Variants in RBFOX2 observed in about 807,000 individuals in gnomAD.
RBFOX2 encodes RNA binding protein fox-1 homolog 2.
RBFOX2 carries 10 observed loss-of-function variants against 49.1 expected under a neutral mutation model. The ratio of observed to expected loss-of-function variants is 0.20; its 90% CI spans 0.13 to 0.35. The LOEUF is 0.35. Among genes scored for constraint, RBFOX2 ranks in the 10% least tolerant of loss-of-function variants. RBFOX2 has a pLI of 1.00. For missense variants in RBFOX2, 323 were observed against 486.9 expected, an observed-to-expected ratio of 0.66 and a Z score of 3.17; for synonymous variants, 183 against 187.4, an observed-to-expected ratio of 0.98 and a Z score of 0.19.
chr22:35,979,875 TCTA>T (rs1300137936), intron 1 of RBFOX2, among the ~76,000 whole-genome samples: 2 of 152,202 alleles, frequency 1.3e-5, no homozygotes, highest in African/African-American at 4.8e-5. Context: ...GAGCCTTTAA[TCTA>T]CTACACCATG....
chr22:35,862,183 T>C (rs1373016705), intron 1 of RBFOX2, among the ~76,000 whole-genome samples: 2 of 152,112 alleles, frequency 1.3e-5, no homozygotes, highest in Non-Finnish European at 2.9e-5. Context: ...ACGGAGATGA[T>C]TCATATGTTA....
At position 35,804,474 on chromosome 22, in the gene RBFOX2, C is replaced by G. The variant is rs1432751370; in HGVS notation, c.252+5306G>C. ...TAGAGAAACGGCTCAAAGCCAAAGA[C>G]AAACAGAAAATCTTGAAATCAGCAA... On this transcript the variant is annotated intron_variant, in intron 2 of 11. Transcript: ENST00000405409. Among the ~76,000 whole-genome samples the G allele has an allele frequency of 5.3e-5, 8 of 152,036 alleles. No homozygotes were observed. The East Asian group carries it at 1.5e-3, about 29-fold the overall frequency.
chr22:35,863,752 C>T (rs1342180611), intron 1 of RBFOX2, among the ~76,000 whole-genome samples: 1 of 152,180 alleles, frequency 6.6e-6, no homozygotes, highest in African/African-American at 2.4e-5. Context: ...GTGTAGCCAG[C>T]TGTCGTTTAC....
At chr22:35,916,953 C>G (rs1433637189) in intron 1 of RBFOX2, among the ~76,000 whole-genome samples, 1 of 151,580 alleles carries the variant, frequency 6.6e-6, no homozygotes, top group African/African-American at 2.4e-5. Flanking sequence ...TGATGCATAG[C>G]AAGCATTCAG....
intron 1 of RBFOX2, among the ~76,000 whole-genome samples, chr22:35,868,485 G>C (rs2043951045): frequency 6.6e-6 from 1 of 151,956 alleles, no homozygotes; most frequent in Non-Finnish European, 1.5e-5. Context: ...CGTGGTGGCT[G>C]ACACCTGTAA....
At chr22:35,922,268 G>A (rs747110757) in intron 1 of RBFOX2, among the ~76,000 whole-genome samples, 9 of 152,186 alleles carry the variant, frequency 5.9e-5, no homozygotes, top group Non-Finnish European at 1.3e-4. Flanking sequence ...AATACAATGT[G>A]AAACTCTGTT....
chr22:35,884,997 A>G (rs938198331), intron 1 of RBFOX2, among the ~76,000 whole-genome samples: 1 of 152,156 alleles, frequency 6.6e-6, no homozygotes, highest in Non-Finnish European at 1.5e-5. Flanking sequence ...TGCCTTTAAC[A>G]ATCGAAAATT....
At chr22:36,019,920 A>G (rs1323337644) in intron 1 of RBFOX2, among the ~76,000 whole-genome samples, 4 of 152,212 alleles carry the variant, frequency 2.6e-5, no homozygotes, top group Non-Finnish European at 4.4e-5. Context: ...TAGAACCAAA[A>G]AAGAGCCCAC....
rs776577786 is a variant in RBFOX2 at position 35,744,199 on chromosome 22, G to A, written c.1100C>T (p.Thr367Met). The change falls in exon 12 of 12, where the codon ACG becomes ATG. Residue 367 changes from threonine to methionine, a missense_variant. By Grantham distance (81) the Thr-to-Met change is moderately conservative. This residue lies in a region of RBFOX2 where 200 missense variants were observed against 370.0 expected (regional missense o/e 0.54). Transcript: ENST00000405409. ...GCTGTCCCATTTGCAGGGGTCTCAC[G>A]TCACTTCAGTAGGGGGCAAATCGGC... 87 of 1,608,640 alleles carry A rather than the reference G, an allele frequency of 5.4e-5. 1 individual carries two copies. In the East Asian group the frequency reaches 1.5e-3, roughly 28 times the overall value.
chr22:35,922,321 C>T (rs1292616206), intron 1 of RBFOX2, among the ~76,000 whole-genome samples: 4 of 151,704 alleles, frequency 2.6e-5, no homozygotes, highest in Admixed American at 1.3e-4. Flanking sequence ...TGGCTCATGC[C>T]TGTAATCCCA....
At chr22:36,022,178 G>C (rs2059269934) in intron 1 of RBFOX2, among the ~76,000 whole-genome samples, 1 of 152,192 alleles carries the variant, frequency 6.6e-6, no homozygotes, top group African/African-American at 2.4e-5. Context: ...ATTAAAGCCT[G>C]ACATCAAACT....
At chr22:35,858,051 A>C (rs1022444225) in intron 1 of RBFOX2, among the ~76,000 whole-genome samples, 4 of 152,214 alleles carry the variant, frequency 2.6e-5, no homozygotes, top group African/African-American at 9.7e-5. Context: ...AGCAAACAAG[A>C]GTTAAAGAGT....
At chr22:35,900,026 G>A (rs940192738) in intron 1 of RBFOX2, among the ~76,000 whole-genome samples, 10 of 152,170 alleles carry the variant, frequency 6.6e-5, no homozygotes, top group African/African-American at 2.4e-4. Context: ...AAAAATGCTG[G>A]ATTTTGCAAT....
At chr22:36,008,247 T>C (rs963787030) in intron 1 of RBFOX2, among the ~76,000 whole-genome samples, 4 of 152,168 alleles carry the variant, frequency 2.6e-5, no homozygotes, top group African/African-American at 9.7e-5. Context: ...ACTCAAGTTT[T>C]ATAAGAACAT....
At chr22:35,956,619 A>C (rs1011615598) in intron 1 of RBFOX2, among the ~76,000 whole-genome samples, 17 of 152,106 alleles carry the variant, frequency 1.1e-4, no homozygotes, top group Non-Finnish European at 2.9e-5. Flanking sequence ...TCAGCCTCCC[A>C]AAGTGCTGGG....
At chr22:35,782,495 G>A (rs1945383563) in intron 2 of RBFOX2, among the ~76,000 whole-genome samples, 1 of 152,124 alleles carries the variant, frequency 6.6e-6, no homozygotes, top group Admixed American at 6.5e-5. Context: ...CTAATTTTTT[G>A]TATTTTTGGT....
At chr22:35,887,626 T>G (rs2046752009) in intron 1 of RBFOX2, among the ~76,000 whole-genome samples, 1 of 152,100 alleles carries the variant, frequency 6.6e-6, no homozygotes, top group South Asian at 2.1e-4. Context: ...CAATACTGCT[T>G]CCAAACCACT....
intron 1 of RBFOX2, among the ~76,000 whole-genome samples, chr22:35,973,269 T>C (rs1324986323): frequency 6.6e-6 from 1 of 152,222 alleles, no homozygotes; most frequent in African/African-American, 2.4e-5. Context: ...GTTAAACTGT[T>C]CTAATAAATC....
chr22:35,746,032 A>G lies in RBFOX2; in HGVS notation c.977-37T>C, dbSNP rs768706226. On this transcript the variant is annotated intron_variant, in intron 10 of 11. Coordinates refer to ENST00000405409, the Ensembl canonical transcript of RBFOX2. The stretch of plus-strand genomic sequence containing the variant: ...AAACACAATCAGACAGATAAAGAAA[A>G]GTGTATGATCTAAAAAAATTAAAGG... The G allele has an allele frequency of 3.2e-6, 5 of 1,552,706 alleles. No homozygotes were observed. The South Asian group carries it at 5.6e-5, about 17-fold the overall frequency.
Sources: gnomAD v4.1 joint callset for allele counts (sites outside exome capture counted in the v4.1 genomes callset) on GRCh38, gnomAD v4.1.1 for gene constraint, gnomAD v4.1.1 regional missense constraint, MANE v1.5 for transcripts, NCBI Gene and HGNC (gene_info 2026-07-23, HGNC 2026-07-21) for gene names.